C2CD3: variants seen among roughly 807,000 people sequenced by gnomAD.
C2CD3 encodes the protein C2 domain containing 3 centriole elongation regulator, also known as C2 domain-containing protein 3.
Under a neutral mutation model 234.0 loss-of-function variants are expected in C2CD3, and 148 were observed. The ratio of observed to expected loss-of-function variants is 0.63; its 90% CI spans 0.55 to 0.72. The LOEUF is 0.72. C2CD3 is among the 30% of genes least tolerant of loss of function. C2CD3 has a pLI of 0.00. For missense variants in C2CD3, 2,577 were observed against 2,811.5 expected (o/e 0.92, Z 1.89); for synonymous variants, 1,000 against 1,035.4 (o/e 0.97, Z 0.66).
intron 3 of C2CD3, among the ~76,000 whole-genome samples, chr11:74,153,591 T>A (rs78976255): frequency 0.045 from 6,838 of 152,212 alleles, 483 homozygotes; most frequent in African/African-American, 0.15. Flanking sequence ...ATTGGAAGAC[T>A]CAATATTGCT....
At chr11:74,039,661 C>T (rs1032735092) in intron 29 of C2CD3, among the ~76,000 whole-genome samples, 11 of 152,146 alleles carry the variant, frequency 7.2e-5, no homozygotes, top group Admixed American at 4.6e-4. Context: ...ATACACTTGG[C>T]AATGTCTGGA....
At chr11:74,068,018 C>T (rs982267403) in intron 24 of C2CD3, among the ~76,000 whole-genome samples, 1 of 152,170 alleles carries the variant, frequency 6.6e-6, no homozygotes, top group Non-Finnish European at 1.5e-5. Context: ...GTGGCAATGG[C>T]TATGACGAGA....
At chr11:74,168,159 A>G in intron 2 of C2CD3, 185 bp downstream of exon 2, 1 of 587,740 alleles carries the variant, frequency 1.7e-6, no homozygotes, top group Non-Finnish European at 3.0e-6. Flanking sequence ...ATACATTTCA[A>G]AACTGCTGGC....
intron 29 of C2CD3, among the ~76,000 whole-genome samples, chr11:74,038,923 C>T (rs17132625): frequency 0.018 from 2,686 of 152,330 alleles, 76 homozygotes; most frequent in African/African-American, 0.061. Flanking sequence ...ATCAACACAG[C>T]ATGGACACCA....
At position 74,098,208 on chromosome 11, in the gene C2CD3, A is replaced by G. The variant is rs767457221; in HGVS notation, c.2780T>C (p.Val927Ala). ...RLLLDAQYPVVAVDSYMPVID... is the reference protein window; with the variant it reads ...RLLLDAQYPVAAVDSYMPVID... The stretch of plus-strand genomic sequence containing the variant: ...CACAGGCATGTAGCTGTCGACAGCA[A>G]CAACTGGGTACTGGGCATCCAGCAG... Residue 927 changes from valine (V) to alanine (A), a missense_variant, in exon 16 of 33, where the codon GTT becomes GCT. Transcript: ENST00000334126. The G allele has an allele frequency of 2.2e-5, 36 of 1,614,068 alleles. No individual in the cohort carries two copies. The highest frequency in any genetic ancestry group is 2.9e-5 in the Non-Finnish European group (34 of 1,179,998).
At chr11:74,042,000 A>T in intron 29 of C2CD3, 54 bp downstream of exon 29, 1 of 1,573,358 alleles carries the variant, frequency 6.4e-7, no homozygotes, top group Non-Finnish European at 8.7e-7. Flanking sequence ...GCCATTTCTC[A>T]TTCACCTTGT....
intron 16 of C2CD3, 21 bp downstream of exon 16, chr11:74,097,988 G>T: frequency 6.3e-7 from 1 of 1,594,988 alleles, no homozygotes; most frequent in South Asian, 1.1e-5. Context: ...ATGACTTTTT[G>T]TAAACCATAG....
chr11:74,040,359 G>A (rs1952973540), intron 29 of C2CD3, among the ~76,000 whole-genome samples: 1 of 152,148 alleles, frequency 6.6e-6, no homozygotes, highest in Non-Finnish European at 1.5e-5. Flanking sequence ...GGGGCTGCTG[G>A]TCTATAGCAC....
At position 74,042,043 on chromosome 11, in the gene C2CD3, T is replaced by C. The variant is rs372212255; in HGVS notation, c.5660+11A>G. ...TATGGTTTCCTGTGTCTTTTCTCAG[T>C]AGAGCCTCACCTGAGAGAAGTCAGA... On this transcript the variant is annotated intron_variant, in intron 29 of 32. Transcript: ENST00000334126. 3.3e-5 allele frequency: 54 copies of C among 1,612,494 alleles called. No individual in the cohort carries two copies. Among genetic ancestry groups the C allele is most frequent in the Non-Finnish European group, 4.5e-5 (53 of 1,179,212 alleles).
chr11:74,123,009 C>T lies in C2CD3; in HGVS notation c.1344G>A (p.Glu448=), dbSNP rs201378099. The T allele has an allele frequency of 1.2e-6, 2 of 1,613,550 alleles. No homozygotes were observed. The highest frequency in any genetic ancestry group is 2.2e-5 in the South Asian group (2 of 91,080). The change falls in exon 8 of 33, where the codon GAG becomes GAA. Residue 448 remains glutamate, a synonymous_variant. Coordinates refer to ENST00000334126, the MANE Select transcript of C2CD3 (RefSeq NM_001286577.2). ...NDPQYDQSLL[E]NLFYTAPKSD... Reference sequence around the variant, plus strand: ...TTACAGGTGCTGTATAAAATAAATTCTCCAGAAGACTCTGGTCATACTGAG... The same window carrying T: ...TTACAGGTGCTGTATAAAATAAATTTTCCAGAAGACTCTGGTCATACTGAG...
Position 74,085,813 on chromosome 11 carries a change from G to C in C2CD3, c.3715C>G (p.Leu1239Val). 3.7e-6 allele frequency: 6 copies of C among 1,614,168 alleles called. No homozygotes were observed. The highest frequency in any genetic ancestry group is 1.3e-5 in the African/African-American group (1 of 75,048). The part of the protein sequence containing the change: ...VGVNASVTTH[L>V]SFLPQGEQRR... ...TGTTCTCCCTGGGGCAGGAAGGAGA[G>C]ATGAGTGGTGACAGAGGCATTGACC... Residue 1239 changes from leucine to valine, a missense_variant, in exon 21 of 33, where the codon CTC (leucine) becomes GTC (valine). Leu to Val is a conservative substitution (Grantham distance 32). Coordinates refer to ENST00000334126, the MANE Select transcript of C2CD3 (RefSeq NM_001286577.2).
chr11:74,064,091 C>T (rs1285785375), intron 24 of C2CD3, among the ~76,000 whole-genome samples: 1 of 151,676 alleles, frequency 6.6e-6, no homozygotes, highest in East Asian at 1.9e-4. Flanking sequence ...TGTTCCCCTT[C>T]CTGTGTCCAT....
In C2CD3 at chr11:74,163,383, T is replaced by C. The variant is rs369748022; in HGVS notation, c.326-1827A>G. On this transcript the variant is annotated intron_variant, in intron 2 of 32. Coordinates refer to ENST00000334126, the MANE Select transcript of C2CD3 (RefSeq NM_001286577.2). ...TTTAGGCAAATTACTTGACATATCATAGTCCCTGTGTAACAACTTGATATG... is the reference window on the plus strand; with the variant it reads ...TTTAGGCAAATTACTTGACATATCACAGTCCCTGTGTAACAACTTGATATG... Among the ~76,000 whole-genome samples the C allele has an allele frequency of 4.7e-4, 72 of 152,332 alleles. No homozygotes were observed. In the Middle Eastern group the frequency reaches 0.01, roughly 22 times the overall value.
intron 28 of C2CD3, among the ~76,000 whole-genome samples, chr11:74,043,341 A>C (rs1953166682): frequency 1.3e-5 from 2 of 152,192 alleles, no homozygotes; most frequent in South Asian, 4.1e-4. Flanking sequence ...TTTACAGCTG[A>C]ATAATATTCT....
intron 22 of C2CD3, among the ~76,000 whole-genome samples, chr11:74,082,127 T>C (rs1291008633): frequency 1.3e-5 from 2 of 151,046 alleles, no homozygotes; most frequent in East Asian, 3.9e-4. Context: ...GTGGATATTT[T>C]TTTTTTTTTT....
At chr11:74,111,005 T>C (rs546829023) in intron 11 of C2CD3, among the ~76,000 whole-genome samples, 2 of 152,192 alleles carry the variant, frequency 1.3e-5, no homozygotes, top group East Asian at 3.9e-4. Flanking sequence ...CTCAGAAAAA[T>C]GTAGAGAAGA....
chr11:74,122,982 A>C lies in C2CD3; in HGVS notation c.1365+6T>G. The C allele has an allele frequency of 6.2e-7, 1 of 1,610,878 alleles. No homozygotes were observed. Among genetic ancestry groups the C allele is most frequent in the Non-Finnish European group, 8.5e-7 (1 of 1,177,728 alleles). On this transcript the variant is annotated splice_donor_region_variant and intron_variant, in intron 8 of 32. Coordinates refer to ENST00000334126, the MANE Select transcript of C2CD3 (RefSeq NM_001286577.2). ...AATTCTCAATGCTTCAGGTTCAGTGACTTACAGGTGCTGTATAAAATAAAT... is the reference window on the plus strand; with the variant it reads ...AATTCTCAATGCTTCAGGTTCAGTGCCTTACAGGTGCTGTATAAAATAAAT...
rs894773146 is a variant in C2CD3 at position 74,014,551 on chromosome 11, C to T, written c.6922-1026G>A. Reference sequence around the variant, plus strand: ...CGAGAGTTGCGCCCAGCGAGAGTTGCGCCCAGCGAGAGTTGCTTCTGGCAT... The same window carrying T: ...CGAGAGTTGCGCCCAGCGAGAGTTGTGCCCAGCGAGAGTTGCTTCTGGCAT... On this transcript the variant is annotated intron_variant, in intron 32 of 32. Transcript: ENST00000334126. 2.6e-5 allele frequency among the ~76,000 whole-genome samples: 4 copies of T among 152,100 alleles called. No homozygotes were observed. The South Asian group carries it at 8.3e-4, about 32-fold the overall frequency.
intron 24 of C2CD3, among the ~76,000 whole-genome samples, chr11:74,064,310 T>C (rs1954401313): frequency 5.3e-5 from 8 of 152,140 alleles, no homozygotes; most frequent in Admixed American, 5.2e-4. Flanking sequence ...ATGAGTGAAT[T>C]CCCATTCACA....
Sources: gnomAD v4.1 joint callset for allele counts (sites outside exome capture counted in the v4.1 genomes callset) on GRCh38, gnomAD v4.1.1 for gene constraint, MANE v1.5 for transcripts, NCBI Gene and HGNC (gene_info 2026-07-23, HGNC 2026-07-21) for gene names.